The following SAMD8 variants were observed in gnomAD, a reference collection of about 807,000 sequenced individuals.
SAMD8 encodes the protein sphingomyelin synthase-related protein 1.
SAMD8 carries 20 observed loss-of-function variants against 42.0 expected under a neutral mutation model. That is an observed-to-expected ratio of 0.48 (90% CI 0.34 to 0.69). SAMD8 has a LOEUF of 0.69. Ranked by LOEUF, SAMD8 falls within the 30% of genes least tolerant of loss-of-function variation. The pLI is 0.01. For synonymous variants in SAMD8, 162 were observed against 173.0 expected, an observed-to-expected ratio of 0.94 and a Z score of 0.50; for missense variants, 328 against 511.6, an observed-to-expected ratio of 0.64 and a Z score of 3.46.
Position 75,105,743 on chromosome 10 carries a change from C to T in SAMD8, c.-16+6015C>T, listed in dbSNP as rs942531829. On this transcript the variant is annotated intron_variant, in intron 1 of 3. Coordinates refer to the SAMD8 transcript ENST00000447533. ...TGCAGGAAGCCTCGGTTGGGGAAGA[C>T]CCATCGGTGCTGCCTCACGGTGATC... is the stretch of plus-strand genomic sequence containing the variant. The T allele has an allele frequency of 5.8e-6, 9 of 1,554,342 alleles. No homozygotes were observed. The East Asian group carries it at 2.2e-4, about 38-fold the overall frequency.
At chr10:75,141,398 G>T (rs1449564095) in intron 1 of SAMD8, among the ~76,000 whole-genome samples, 2 of 151,434 alleles carry the variant, frequency 1.3e-5, no homozygotes, top group East Asian at 1.9e-4. Context: ...TTTGTTTGTC[G>T]ATACTATATG....
rs892157840 is a variant in SAMD8 at position 75,147,755 on chromosome 10, A to T, written c.-15-2759A>T. Among the ~76,000 whole-genome samples the T allele has an allele frequency of 3.3e-5, 5 of 152,338 alleles. No individual in the cohort carries two copies. The East Asian group carries it at 7.7e-4, about 23-fold the overall frequency. On this transcript the variant is annotated intron_variant, in intron 1 of 5. Transcript: ENST00000542569. The stretch of plus-strand genomic sequence containing the variant: ...TCAGAGATACTTTGGGTAAAAGAAG[A>T]TATGTATAGTAGGTAGGGTGAAAGC...
intron 4 of SAMD8, among the ~76,000 whole-genome samples, chr10:75,171,880 G>T (rs1264022867): frequency 1.3e-5 from 2 of 152,032 alleles, no homozygotes; most frequent in African/African-American, 4.8e-5. Context: ...CAAATAATTA[G>T]CTGGGCATGG....
chr10:75,160,590 G>A (rs112022416), intron 2 of SAMD8, among the ~76,000 whole-genome samples: 508 of 152,256 alleles, frequency 3.3e-3, no homozygotes, highest in African/African-American at 0.012. Flanking sequence ...ATAAGGGATT[G>A]AATACACATT....
chr10:75,145,484 T>C (rs911855646), intron 1 of SAMD8, among the ~76,000 whole-genome samples: 2 of 152,140 alleles, frequency 1.3e-5, no homozygotes. Flanking sequence ...TCTAGATACT[T>C]TGGTATTTCT....
chr10:75,144,352 T>TA (rs1840089103), intron 1 of SAMD8, among the ~76,000 whole-genome samples: 2 of 149,182 alleles, frequency 1.3e-5, no homozygotes, highest in Non-Finnish European at 2.9e-5. Flanking sequence ...TTAGAACTTT[T>TA]AAAAAATCTT....
At chr10:75,130,737 G>A (rs1392892792) in intron 1 of SAMD8, among the ~76,000 whole-genome samples, 1 of 152,034 alleles carries the variant, frequency 6.6e-6, no homozygotes, top group Non-Finnish European at 1.5e-5. Flanking sequence ...AGCAAATCTG[G>A]CAAAATGTTT....
At chr10:75,139,863 C>T (rs1431235760) in intron 1 of SAMD8, among the ~76,000 whole-genome samples, 1 of 152,136 alleles carries the variant, frequency 6.6e-6, no homozygotes, top group Non-Finnish European at 1.5e-5. Flanking sequence ...TTTTTGGTGT[C>T]ACATCTAAGA....
chr10:75,128,718 C>G (rs1487043412), intron 1 of SAMD8, among the ~76,000 whole-genome samples: 1 of 151,980 alleles, frequency 6.6e-6, no homozygotes, highest in Non-Finnish European at 1.5e-5. Context: ...GGGTGGTCGG[C>G]AGGGGGTGGG....
intron 1 of SAMD8, among the ~76,000 whole-genome samples, chr10:75,129,902 G>C (rs1564679383): frequency 6.6e-6 from 1 of 152,118 alleles, no homozygotes; most frequent in Non-Finnish European, 1.5e-5. Flanking sequence ...ACAAGAGCTA[G>C]GGCACTGTTC....
At chr10:75,163,948 G>T (rs1474612232) in intron 2 of SAMD8, among the ~76,000 whole-genome samples, 2 of 152,194 alleles carry the variant, frequency 1.3e-5, no homozygotes, top group Non-Finnish European at 2.9e-5. Context: ...GCCAGGCGCT[G>T]TGGCTCACAC....
At chr10:75,117,358 G>A (rs896810895) in intron 1 of SAMD8, among the ~76,000 whole-genome samples, 1 of 151,744 alleles carries the variant, frequency 6.6e-6, no homozygotes, top group Non-Finnish European at 1.5e-5. Flanking sequence ...GGAGGTCAAA[G>A]CTGCAGTAAG....
chr10:75,154,590 A>G (rs7096792), intron 2 of SAMD8, among the ~76,000 whole-genome samples: 2,109 of 152,280 alleles, frequency 0.014, 50 homozygotes, highest in African/African-American at 0.048. Flanking sequence ...ATGAAAAGGG[A>G]AGGCACTGGA....
intron 1 of SAMD8, 131 bp from the exon 2 acceptor site, chr10:75,150,383 A>G (rs1480616811): frequency 7.0e-7 from 1 of 1,429,850 alleles, no homozygotes; most frequent in African/African-American, 1.4e-5. Context: ...CAGCCTCCCA[A>G]AGTGCTGGGG....
At chr10:75,127,151 C>T (rs920144390) in intron 1 of SAMD8, among the ~76,000 whole-genome samples, 30 of 147,738 alleles carry the variant, frequency 2.0e-4, no homozygotes, top group African/African-American at 6.8e-4. Flanking sequence ...ATTGCGCCAC[C>T]GCACTCCAGC....
At chr10:75,103,555 T>G (rs2134373328) in intron 1 of SAMD8, among the ~76,000 whole-genome samples, 1 of 152,322 alleles carries the variant, frequency 6.6e-6, no homozygotes, top group South Asian at 2.1e-4. Flanking sequence ...CAATTGGGCC[T>G]ACTAGAAATC....
chr10:75,168,605 A>G lies in SAMD8; in HGVS notation c.739A>G (p.Met247Val). 1 of 1,613,846 alleles carries G rather than the reference A, an allele frequency of 6.2e-7. No homozygotes were observed. Among genetic ancestry groups the G allele is most frequent in the Non-Finnish European group, 8.5e-7 (1 of 1,179,886 alleles). ...TGTATTCTTGCTTCGCTGCTTTACC[A>G]TGTTTGTGACCTCCCTCTCCGTGCC... ...GTVFLLRCFT[M>V]FVTSLSVPGQ... The change falls in exon 4 of 6, where the codon ATG becomes GTG. Residue 247 changes from methionine to valine, a missense_variant. Met to Val is a conservative substitution (Grantham distance 21). Coordinates refer to ENST00000542569, the MANE Select transcript of SAMD8 (RefSeq NM_001174156.2).
intron 4 of SAMD8, 30 bp downstream of exon 4, chr10:75,168,688 T>G (rs775866606): frequency 1.4e-6 from 2 of 1,442,430 alleles, no homozygotes; most frequent in South Asian, 2.3e-5. Flanking sequence ...ATCATTCTTG[T>G]TTTTGGTGGG....
In SAMD8 at chr10:75,178,108, ATTTTATTTT is replaced by A. The variant is rs112758628; in HGVS notation, c.*1418_*1426del. 2.1e-3 allele frequency: 321 copies of A among 152,294 alleles called. No individual in the cohort carries two copies. The highest frequency in any genetic ancestry group is 7.5e-3 in the African/African-American group (312 of 41,580). The allele number at this position is 152,294 out of a possible 1,614,324, so 9.4% of individuals were successfully genotyped here. On this transcript the variant is annotated 3_prime_UTR_variant, in exon 6 of 6. Transcript: ENST00000542569. ...TGCTCCTTCCTTATCTGGGTGAAAT[ATTTTATTTT>A]TGCACTTTGAGTCATATTCCCACCC...
Sources: allele counts gnomAD v4.1 joint callset (sites outside exome capture counted in the v4.1 genomes callset), GRCh38; gene constraint gnomAD v4.1.1; transcripts MANE v1.5; gene names NCBI Gene and HGNC (gene_info 2026-07-23, HGNC 2026-07-21).